FBXL13: variants seen among roughly 807,000 people sequenced by gnomAD.
FBXL13 encodes F-box and leucine rich repeat protein 13, also known as F-box and leucine-rich repeat protein 13.
Under a neutral mutation model 83.6 loss-of-function variants are expected in FBXL13, and 67 were observed. The observed-to-expected ratio is 0.80, with a 90% CI of 0.66 to 0.98. The LOEUF (loss-of-function observed/expected upper bound fraction) is 0.98. FBXL13 is among the 50% of genes least tolerant of loss of function. The probability of loss-of-function intolerance (pLI) is 0.00; values close to 1 mark genes in which losing one functional copy is unlikely to be tolerated. For missense variants in FBXL13, 822 were observed against 866.5 expected (o/e 0.95, Z 0.64); for synonymous variants, 272 against 299.5 (o/e 0.91, Z 0.95).
chr7:102,883,424 C>A (rs1317037312), exon 14 of FBXL13: 3 of 1,613,176 alleles, frequency 1.9e-6, no homozygotes, highest in Non-Finnish European at 1.7e-6. Context: ...TTGGATAATT[C>A]TTGTCTATAA....
At chr7:103,042,374 G>A (rs768677687) in intron 2 of FBXL13, among the ~76,000 whole-genome samples, 3 of 152,102 alleles carry the variant, frequency 2.0e-5, no homozygotes, top group South Asian at 2.1e-4. Context: ...GGAAGAATCA[G>A]TATCATGAAA....
intron 8 of FBXL13, among the ~76,000 whole-genome samples, chr7:102,954,914 G>A (rs992655981): frequency 6.6e-6 from 1 of 152,106 alleles, no homozygotes. Context: ...GACCTACAAA[G>A]AGACTTAGAC....
intron 5 of FBXL13, among the ~76,000 whole-genome samples, chr7:103,025,970 CA>C (rs1159841702): frequency 6.6e-6 from 1 of 151,012 alleles, no homozygotes; most frequent in African/African-American, 2.4e-5. Flanking sequence ...GTTCTCTAAA[CA>C]CACAATTAAC....
intron 17 of FBXL13, among the ~76,000 whole-genome samples, chr7:102,844,281 C>T (rs557807902): frequency 1.1e-4 from 16 of 152,054 alleles, no homozygotes; most frequent in South Asian, 6.2e-4. Context: ...AGAACAATGA[C>T]GATTATCGAA....
chr7:102,981,927 A>C (rs1352873792), intron 6 of FBXL13, among the ~76,000 whole-genome samples: 1 of 152,174 alleles, frequency 6.6e-6, no homozygotes, highest in African/African-American at 2.4e-5. Flanking sequence ...TATTTTGACT[A>C]TACAGGTCCA....
intron 8 of FBXL13, among the ~76,000 whole-genome samples, chr7:102,932,596 G>T (rs554611969): frequency 0.018 from 48 of 2,726 alleles, 1 homozygote; most frequent in Non-Finnish European, 0.084. Context: ...TGTTTGTTTC[G>T]TTTTTTTGAG....
At chr7:102,855,656 C>T (rs1454065175) in intron 16 of FBXL13, among the ~76,000 whole-genome samples, 1 of 150,714 alleles carries the variant, frequency 6.6e-6, no homozygotes, top group African/African-American at 2.4e-5. Flanking sequence ...CCCCAACCCA[C>T]CCCTCACCTG....
At chr7:102,822,077 G>A (rs143350204) in exon 19 of FBXL13, 373 of 1,614,052 alleles carry the variant, frequency 2.3e-4, no homozygotes, top group Non-Finnish European at 3.0e-4. Context: ...TTAAGGATCC[G>A]GAGTTGTTTG....
At chr7:102,828,222 A>G (rs377681936) in intron 18 of FBXL13, among the ~76,000 whole-genome samples, 20 of 152,094 alleles carry the variant, frequency 1.3e-4, no homozygotes, top group African/African-American at 4.6e-4. Context: ...TGAGCATGGA[A>G]TGTTCTTCCA....
At chr7:103,051,615 A>G (rs1796824037) in intron 2 of FBXL13, among the ~76,000 whole-genome samples, 1 of 152,224 alleles carries the variant, frequency 6.6e-6, no homozygotes, top group African/African-American at 2.4e-5. Context: ...CATCTGATAA[A>G]AGAAAAACTT....
chr7:102,871,412 G>C (rs1808515678), intron 16 of FBXL13, among the ~76,000 whole-genome samples: 1 of 151,558 alleles, frequency 6.6e-6, no homozygotes, highest in Non-Finnish European at 1.5e-5. Context: ...TTAAGACAGG[G>C]TCTCACTTTG....
intron 6 of FBXL13, among the ~76,000 whole-genome samples, chr7:103,011,158 T>C (rs1791572156): frequency 1.3e-5 from 2 of 152,158 alleles, no homozygotes; most frequent in Admixed American, 6.5e-5. Flanking sequence ...CTCCAAACAA[T>C]TGCCCTAGTT....
chr7:102,994,846 C>T (rs1829932882), intron 6 of FBXL13, among the ~76,000 whole-genome samples: 1 of 152,064 alleles, frequency 6.6e-6, no homozygotes, highest in Non-Finnish European at 1.5e-5. Context: ...GCTATGACAA[C>T]CCCAAAGTTA....
chr7:103,023,579 C>T (rs1348228123), intron 6 of FBXL13, among the ~76,000 whole-genome samples: 6 of 152,142 alleles, frequency 3.9e-5, no homozygotes, highest in Non-Finnish European at 5.9e-5. Flanking sequence ...TCTCAAAGAA[C>T]ATAAAACAGA....
chr7:103,065,302 A>G (rs1798290720), intron 1 of FBXL13, among the ~76,000 whole-genome samples: 1 of 152,362 alleles, frequency 6.6e-6, no homozygotes, highest in East Asian at 1.9e-4. Flanking sequence ...TGATTTTTGT[A>G]TCATCTATAT....
intron 11 of FBXL13, among the ~76,000 whole-genome samples, chr7:102,889,826 A>T (rs1811299328): frequency 6.6e-6 from 1 of 152,114 alleles, no homozygotes; most frequent in African/African-American, 2.4e-5. Flanking sequence ...ATCTCTAATA[A>T]TGGTTTTCAT....
chr7:102,899,892 CA>C (rs1309028706), intron 11 of FBXL13, among the ~76,000 whole-genome samples: 23 of 151,746 alleles, frequency 1.5e-4, no homozygotes, highest in African/African-American at 5.3e-4. Context: ...CAATAAAATA[CA>C]AAAATTAGCT....
rs143126075 is a variant in FBXL13, at chr7:102,948,457, T to C, written c.724+15076A>G. Among the ~76,000 whole-genome samples, 1,181 of 152,192 alleles carry C rather than the reference T, an allele frequency of 7.8e-3. 81 individuals are homozygous for C. In the East Asian group the frequency reaches 0.16, roughly 20 times the overall value. ...TCTTTTTTTTGACACAGAGTCTCGC[T>C]CTGTCGCCCAGGGTGGAGTGCAGTG... On this transcript the variant is annotated intron_variant, in intron 8 of 19. Transcript: ENST00000313221.
intron 16 of FBXL13, among the ~76,000 whole-genome samples, chr7:102,863,917 G>A (rs1244551605): frequency 1.3e-5 from 2 of 151,902 alleles, no homozygotes; most frequent in Non-Finnish European, 2.9e-5. Context: ...CCCTACCAAT[G>A]CCACCCCCTA....
Sources: gnomAD v4.1 joint callset for allele counts (sites outside exome capture counted in the v4.1 genomes callset) on GRCh38, gnomAD v4.1.1 for gene constraint, MANE v1.5 for transcripts, NCBI Gene and HGNC (gene_info 2026-07-23, HGNC 2026-07-21) for gene names.